Variants in FDFT1 observed in about 807,000 individuals in gnomAD.
FDFT1 encodes squalene synthase.
A neutral mutation model predicts 46.8 loss-of-function variants in FDFT1; 68 were observed. The ratio of observed to expected loss-of-function variants is 1.45; its 90% confidence interval spans 1.19 to 1.78. FDFT1 has a LOEUF of 1.78. Ranked by LOEUF, FDFT1 falls within the 40% of genes most tolerant of loss-of-function variation. FDFT1 has a pLI of 0.00. For synonymous variants in FDFT1, 351 were observed against 185.1 expected, an observed-to-expected ratio of 1.90 and a Z score of -7.28; for missense variants, 928 against 524.4, an observed-to-expected ratio of 1.77 and a Z score of -7.52.
At chr8:11,823,882 T>A (rs189250046) in intron 4 of FDFT1, among the ~76,000 whole-genome samples, 55 of 152,318 alleles carry the variant, frequency 3.6e-4, no homozygotes, top group Admixed American at 1.4e-3. Context: ...TAGCTGGGAC[T>A]ATAGGTCCAC....
chr8:11,809,338 T>C (rs907012347), intron 2 of FDFT1: 3 of 1,100,096 alleles, frequency 2.7e-6, no homozygotes, highest in African/African-American at 1.6e-5. Context: ...TTTTTGACTT[T>C]CTTTTCTATT....
In FDFT1 at chr8:11,812,606, T is replaced by G. The variant is rs568113770; in HGVS notation, c.381+2756T>G. ...GTTGTTACAAAGATAAGTTTGTCAGTGCAGGAGGATACAATATATTTTACT... is the reference window on the plus strand; with the variant it reads ...GTTGTTACAAAGATAAGTTTGTCAGGGCAGGAGGATACAATATATTTTACT... On this transcript the variant is annotated intron_variant, in intron 3 of 7. Coordinates refer to ENST00000220584, the MANE Select transcript of FDFT1 (RefSeq NM_004462.5). Among the ~76,000 whole-genome samples, 242 of 152,350 alleles carry G rather than the reference T, an allele frequency of 1.6e-3. 1 individual carries two copies. The highest frequency in any genetic ancestry group is 2.4e-3 in the Non-Finnish European group (161 of 68,032).
intron 5 of FDFT1, among the ~76,000 whole-genome samples, chr8:11,828,339 C>T (rs1416890310): frequency 6.6e-6 from 1 of 152,198 alleles, no homozygotes; most frequent in African/African-American, 2.4e-5. Context: ...TCCCTCAGCT[C>T]AGACATGGCC....
At chr8:11,825,954 A>G in intron 4 of FDFT1, 70 bp from the exon 5 acceptor site, 2 of 1,083,122 alleles carry the variant, frequency 1.8e-6, no homozygotes, top group Admixed American at 2.8e-5. Context: ...TTTTGTAGCT[A>G]ATGATCTCTA....
intron 3 of FDFT1, among the ~76,000 whole-genome samples, chr8:11,815,542 A>G (rs1808327390): frequency 6.6e-6 from 1 of 152,158 alleles, no homozygotes; most frequent in African/African-American, 2.4e-5. Flanking sequence ...TTGTTTCCTG[A>G]CTTTTTAAAT....
At chr8:11,825,687 A>AG (rs2130838804) in intron 4 of FDFT1, among the ~76,000 whole-genome samples, 1 of 12,712 alleles carries the variant, frequency 7.9e-5, no homozygotes, top group East Asian at 0.5. Context: ...ACTCCATCTC[A>AG]AAAAAAAAAT....
At chr8:11,802,326 C>T (rs1381384850), upstream of FDFT1, 1 of 408,868 alleles carries the variant, frequency 2.4e-6, no homozygotes, top group Non-Finnish European at 4.9e-6. Flanking sequence ...ACGTGGGCGA[C>T]TTATTGACCA....
Position 11,834,377 on chromosome 8 carries a change from G to A in FDFT1, c.1032+2707G>A, listed in dbSNP as rs1005158475. Among the ~76,000 whole-genome samples, 3 of 152,184 alleles carry A rather than the reference G, an allele frequency of 2.0e-5. No individual in the cohort carries two copies. The East Asian group carries it at 5.8e-4, about 29-fold the overall frequency. On this transcript the variant is annotated intron_variant, in intron 7 of 7. Coordinates refer to ENST00000220584, the MANE Select transcript of FDFT1 (RefSeq NM_004462.5). ...ATAGAAATAAATGCTCAGCCAAACG[G>A]CCAGAAACCCCCATTCCCCTCTCTG...
intron 1 of FDFT1, chr8:11,808,510 C>G (rs1380221854): frequency 4.5e-6 from 6 of 1,329,550 alleles, no homozygotes; most frequent in Non-Finnish European, 5.7e-6. Context: ...GCGGGGTCCG[C>G]GATTCCCATG....
upstream of FDFT1, among the ~76,000 whole-genome samples, chr8:11,800,722 T>C (rs891952895): frequency 6.6e-6 from 1 of 152,238 alleles, no homozygotes; most frequent in Non-Finnish European, 1.5e-5. Context: ...CTAGCAGATA[T>C]TTAAGAATGT....
At chr8:11,827,020 G>C (rs940754182) in intron 5 of FDFT1, among the ~76,000 whole-genome samples, 1 of 152,206 alleles carries the variant, frequency 6.6e-6, no homozygotes, top group Non-Finnish European at 1.5e-5. Context: ...GGACAGGGTC[G>C]ATCTTTAATT....
intron 3 of FDFT1, among the ~76,000 whole-genome samples, chr8:11,818,205 A>T (rs1488728527): frequency 6.6e-6 from 1 of 152,138 alleles, no homozygotes; most frequent in African/African-American, 2.4e-5. Context: ...TTCTAATTTG[A>T]TTTCACTGTG....
chr8:11,824,664 T>C (rs558555087), intron 4 of FDFT1, among the ~76,000 whole-genome samples: 15 of 152,288 alleles, frequency 9.8e-5, no homozygotes, highest in African/African-American at 3.6e-4. Flanking sequence ...AGTTTCCTCA[T>C]CTGAAATGGA....
intron 5 of FDFT1, among the ~76,000 whole-genome samples, chr8:11,827,726 C>T (rs370399820): frequency 5.3e-5 from 8 of 152,114 alleles, no homozygotes; most frequent in South Asian, 2.1e-4. Context: ...CTGAGTCTTA[C>T]TCCTAAGAAA....
chr8:11,826,415 G>T (rs988341813), intron 5 of FDFT1, among the ~76,000 whole-genome samples, 200 bp downstream of exon 5: 3 of 152,202 alleles, frequency 2.0e-5, no homozygotes, highest in Non-Finnish European at 4.4e-5. Context: ...CACGTAATCA[G>T]TATATTCAAG....
chr8:11,830,548 C>T (rs1246195983), intron 6 of FDFT1, 128 bp downstream of exon 6: 4 of 682,010 alleles, frequency 5.9e-6, no homozygotes, highest in African/African-American at 3.6e-5. Flanking sequence ...GTTTATTACG[C>T]TGGGAGTTTC....
chr8:11,821,967 A>G (rs1469168517), intron 4 of FDFT1, 89 bp downstream of exon 4: 10 of 1,476,930 alleles, frequency 6.8e-6, no homozygotes, highest in Non-Finnish European at 8.4e-6. Flanking sequence ...AAAGTTGTCC[A>G]GTATTTTCAG....
intron 3 of FDFT1, among the ~76,000 whole-genome samples, chr8:11,815,224 A>G (rs1325518589): frequency 1.3e-5 from 2 of 152,184 alleles, no homozygotes; most frequent in Non-Finnish European, 2.9e-5. Context: ...GCTGTGTAGT[A>G]TTCCATGGTG....
intron 4 of FDFT1, among the ~76,000 whole-genome samples, chr8:11,823,822 C>T (rs1247090868): frequency 6.6e-6 from 1 of 152,172 alleles, no homozygotes; most frequent in Non-Finnish European, 1.5e-5. Flanking sequence ...AGGCTCACTG[C>T]AGCCTTCACC....
Sources: gnomAD v4.1 joint callset for allele counts (sites outside exome capture counted in the v4.1 genomes callset) on GRCh38, gnomAD v4.1.1 for gene constraint, MANE v1.5 for transcripts, NCBI Gene and HGNC (gene_info 2026-07-23, HGNC 2026-07-21) for gene names.